Variants in CD9 observed in about 807,000 individuals in gnomAD.
CD9 encodes the protein CD9 molecule.
In CD9, 10 loss-of-function variants were observed where a neutral mutation model predicts 31.4. The observed-to-expected ratio is 0.32, with a 90% CI of 0.20 to 0.54. The LOEUF (loss-of-function observed/expected upper bound fraction) is 0.54. Among genes scored for constraint, CD9 ranks in the 20% least tolerant of loss-of-function variants. CD9 has a pLI of 0.94. For missense variants in CD9, 259 were observed against 300.1 expected, an observed-to-expected ratio of 0.86 and a Z score of 1.01; for synonymous variants, 113 against 114.1, an observed-to-expected ratio of 0.99 and a Z score of 0.06.
At chr12:6,202,779 T>G (rs1946090980) in intron 1 of CD9, among the ~76,000 whole-genome samples, 1 of 152,222 alleles carries the variant, frequency 6.6e-6, no homozygotes, top group Non-Finnish European at 1.5e-5. Flanking sequence ...ATGTTTGGAA[T>G]GACTTTTGAA....
intron 2 of CD9, among the ~76,000 whole-genome samples, chr12:6,227,078 TC>T (rs542674977): frequency 2.2e-3 from 338 of 152,372 alleles, no homozygotes; most frequent in African/African-American, 7.3e-3. Flanking sequence ...ACCCACTTTT[TC>T]TTTTCTGTTA....
At chr12:6,229,352 C>T (rs1035372137) in intron 2 of CD9, among the ~76,000 whole-genome samples, 8 of 152,218 alleles carry the variant, frequency 5.3e-5, no homozygotes, top group African/African-American at 1.9e-4. Flanking sequence ...TGGCTTGTGA[C>T]CTGGGGCAGT....
intron 1 of CD9, among the ~76,000 whole-genome samples, chr12:6,201,989 G>T (rs1420444362): frequency 6.6e-6 from 1 of 152,186 alleles, no homozygotes; most frequent in Non-Finnish European, 1.5e-5. Context: ...GGTGAGTCAT[G>T]ATTGCACCAC....
intron 1 of CD9, among the ~76,000 whole-genome samples, chr12:6,215,506 C>T (rs1591967559): frequency 6.6e-6 from 1 of 152,300 alleles, no homozygotes; most frequent in African/African-American, 2.4e-5. Flanking sequence ...GGTCATCCTG[C>T]TGCTGGTCTG....
chr12:6,221,445 G>A (rs896275961), intron 1 of CD9, among the ~76,000 whole-genome samples: 5 of 152,146 alleles, frequency 3.3e-5, no homozygotes, highest in African/African-American at 9.7e-5. Context: ...CATCAAACCT[G>A]CTCTGCTCCT....
chr12:6,230,370 C>T (rs896840113), intron 2 of CD9, among the ~76,000 whole-genome samples: 4 of 152,220 alleles, frequency 2.6e-5, no homozygotes, highest in Admixed American at 1.3e-4. Context: ...TCTTTCTCTG[C>T]GTGGGAAATA....
At chr12:6,223,893 A>G (rs915428705) in intron 1 of CD9, among the ~76,000 whole-genome samples, 2 of 152,146 alleles carry the variant, frequency 1.3e-5, no homozygotes, top group Non-Finnish European at 2.9e-5. Flanking sequence ...GCCTTTTATT[A>G]AGAAAGAAAA....
intron 4 of CD9, among the ~76,000 whole-genome samples, chr12:6,234,004 G>C (rs890928924): frequency 6.7e-6 from 1 of 148,726 alleles, no homozygotes; most frequent in African/African-American, 2.5e-5. Flanking sequence ...AATTGATAAG[G>C]GTCATAGAGG....
chr12:6,231,278 A>G (rs969465237), intron 2 of CD9, among the ~76,000 whole-genome samples: 1 of 152,214 alleles, frequency 6.6e-6, no homozygotes, highest in Non-Finnish European at 1.5e-5. Flanking sequence ...TGTTGTGCAC[A>G]TGTGGATTAT....
intron 1 of CD9, chr12:6,205,836 A>G (rs1179491872): frequency 2.6e-5 from 4 of 152,172 alleles, no homozygotes; most frequent in Non-Finnish European, 5.9e-5. Flanking sequence ...GGTCACCCCA[A>G]CCACAGCTTC....
rs5796224 is a variant in CD9, at chr12:6,228,558, CAAAAAAAAAAAAA to C, written c.175+3035_175+3047del. Among the ~76,000 whole-genome samples the C allele has an allele frequency of 4.4e-5, 3 of 68,340 alleles. No individual in the cohort carries two copies. In the Admixed American group the frequency reaches 5.1e-4, roughly 12 times the overall value. The allele number at this position is 68,340 out of a possible 152,430, so 44.8% of individuals were successfully genotyped here. ...TGGGAGACAGAGCGGGACTCCATCTCAAAAAAAAAAAAAAAAAAAAAAACAGCAGCACAGCACT... is the reference window on the plus strand; with the variant it reads ...TGGGAGACAGAGCGGGACTCCATCTCAAAAAAAAAACAGCAGCACAGCACT... On this transcript the variant is annotated intron_variant, in intron 2 of 7. Coordinates refer to ENST00000009180, the MANE Select transcript of CD9 (RefSeq NM_001769.4).
chr12:6,212,633 AC>A (rs1946204492), intron 1 of CD9, among the ~76,000 whole-genome samples: 1 of 152,270 alleles, frequency 6.6e-6, no homozygotes, highest in Non-Finnish European at 1.5e-5. Context: ...TGCTTAGGGC[AC>A]CAACAATGCA....
intron 1 of CD9, among the ~76,000 whole-genome samples, chr12:6,212,984 G>A (rs190027484): frequency 2.6e-5 from 4 of 152,256 alleles, no homozygotes; most frequent in Non-Finnish European, 4.4e-5. Flanking sequence ...TGATAGAAAC[G>A]CTGATTCCCG....
At chr12:6,205,765 G>A (rs993874232) in intron 1 of CD9, among the ~76,000 whole-genome samples, 15 of 152,214 alleles carry the variant, frequency 9.9e-5, no homozygotes, top group Non-Finnish European at 1.9e-4. Context: ...AAACCTTGAT[G>A]GTTCTTGCCT....
chr12:6,232,838 G>A lies in CD9; in HGVS notation c.273+109G>A. On this transcript the variant is annotated intron_variant, in intron 3 of 7. Coordinates refer to ENST00000009180, the MANE Select transcript of CD9 (RefSeq NM_001769.4). This position sits in a 1 kb window ranked among gnomAD's most constrained non-coding sequence, Gnocchi z 4.8. ...AGATGGAGGGGGATGGGGTCAGGAA[G>A]GTACCCAAAGGGCATGAGCTGTCCT... 1 of 773,590 alleles carries A rather than the reference G, an allele frequency of 1.3e-6. No homozygotes were observed. 47.9% of individuals were successfully genotyped at this position (773,590 alleles called of 1,614,324 possible). A position where few individuals can be genotyped will look rare whatever the true frequency, so the allele number is the denominator to read the frequency against.
intron 1 of CD9, among the ~76,000 whole-genome samples, chr12:6,223,492 A>AC (rs1366216594): frequency 8.6e-5 from 13 of 151,890 alleles, no homozygotes; most frequent in African/African-American, 3.1e-4. Context: ...CGATCTCCTG[A>AC]CCTCGTGATC....
intron 1 of CD9, 167 bp from the exon 2 acceptor site, chr12:6,225,259 C>CATGAA: frequency 1.7e-6 from 1 of 595,372 alleles, no homozygotes. Context: ...TTAGTACCTG[C>CATGAA]ATGAATCAAA....
chr12:6,209,427 C>T (rs1946168495), intron 1 of CD9, among the ~76,000 whole-genome samples: 1 of 152,180 alleles, frequency 6.6e-6, no homozygotes, highest in South Asian at 2.1e-4. Flanking sequence ...CTCAGCGGCC[C>T]CGTTCCTAGA....
At chr12:6,231,013 G>A (rs1016889035) in intron 2 of CD9, among the ~76,000 whole-genome samples, 6 of 152,172 alleles carry the variant, frequency 3.9e-5, no homozygotes, top group Non-Finnish European at 7.3e-5. Flanking sequence ...ACCCCTGCTC[G>A]GGGTGCAGAT....
Sources: allele counts gnomAD v4.1 joint callset (sites outside exome capture counted in the v4.1 genomes callset), GRCh38; gene constraint gnomAD v4.1.1; non-coding constraint Gnocchi (gnomAD v3.1); transcripts MANE v1.5; gene names NCBI Gene and HGNC (gene_info 2026-07-23, HGNC 2026-07-21).